The following WDR35 variants were observed in gnomAD, a reference collection of about 807,000 sequenced individuals.
The protein encoded by WDR35 is WD repeat domain 35, also known as WD repeat-containing protein 35.
WDR35 carries 118 observed loss-of-function variants against 158.3 expected under a neutral mutation model. That is an observed-to-expected ratio of 0.75 (90% confidence interval 0.64 to 0.87). The LOEUF (loss-of-function observed/expected upper bound fraction) is 0.87, where lower values mean the gene tolerates loss of function less well. Among genes scored for constraint, WDR35 ranks in the 40% least tolerant of loss-of-function variants. The pLI is 0.00. For synonymous variants in WDR35, 448 were observed against 476.1 expected, an observed-to-expected ratio of 0.94 and a Z score of 0.77; for missense variants, 1,263 against 1,405.8, an observed-to-expected ratio of 0.90 and a Z score of 1.62.
intron 12 of WDR35, 187 bp from the exon 13 acceptor site, chr2:19,951,671 T>C (rs1671239922): frequency 3.4e-5 from 17 of 500,594 alleles, no homozygotes; most frequent in Non-Finnish European, 1.1e-5. Flanking sequence ...AGGTGTTTAC[T>C]AGTTATATAA....
chr2:19,950,568 G>C (rs79905074), intron 13 of WDR35, among the ~76,000 whole-genome samples: 6 of 152,130 alleles, frequency 3.9e-5, no homozygotes, highest in Non-Finnish European at 8.8e-5. Flanking sequence ...GGTTGATGAT[G>C]AATCAATTTC....
chr2:19,962,819 C>T (rs1671705492), intron 10 of WDR35, among the ~76,000 whole-genome samples: 1 of 151,922 alleles, frequency 6.6e-6, no homozygotes, highest in Admixed American at 6.6e-5. Flanking sequence ...TTTACTCTTC[C>T]ACTACTTAAA....
At chr2:19,962,295 C>A in intron 10 of WDR35, 1 of 1,612,908 alleles carries the variant, frequency 6.2e-7, no homozygotes, top group South Asian at 1.1e-5. Flanking sequence ...CATTTGTTAC[C>A]GTTGCACCAA....
chr2:19,951,351 A>G, intron 13 of WDR35, 64 bp downstream of exon 13: 1 of 1,345,550 alleles, frequency 7.4e-7, no homozygotes, highest in South Asian at 1.3e-5. Flanking sequence ...AGGTTTCAAA[A>G]TAAAATTATA....
At chr2:19,973,145 A>G (rs1363156463) in intron 8 of WDR35, among the ~76,000 whole-genome samples, 1 of 152,132 alleles carries the variant, frequency 6.6e-6, no homozygotes, top group African/African-American at 2.4e-5. Context: ...AGTTTGAAGG[A>G]AGGACAGACA....
rs1329778911 is a variant in WDR35 at position 19,913,791 on chromosome 2, AAAG to A, written c.3363-86_3363-84del. ...TATTTAATACACTTAAAAAAAACCT[AAAG>A]AATAAAACTTCTGAGATGAACATCA... On this transcript the variant is annotated intron_variant, in intron 26 of 26. Transcript: ENST00000281405. The A allele has an allele frequency of 1.9e-6, 3 of 1,569,484 alleles. No individual in the cohort carries two copies. In the African/African-American group the frequency reaches 4.1e-5, roughly 21 times the overall value.
Position 19,978,895 on chromosome 2 carries a change from T to C in WDR35, c.308-16A>G. The C allele has an allele frequency of 3.1e-6, 5 of 1,613,134 alleles. No individual in the cohort carries two copies. The highest frequency in any genetic ancestry group is 4.2e-6 in the Non-Finnish European group (5 of 1,179,628). On this transcript the variant is annotated splice_polypyrimidine_tract_variant and intron_variant, in intron 4 of 26. Transcript: ENST00000281405. Reference sequence around the variant, plus strand: ...ATCCAAGAGCCTGTTTTCACAAATTTAAAAAATTACAAGTCAAAACTTTCA... The same window carrying C: ...ATCCAAGAGCCTGTTTTCACAAATTCAAAAAATTACAAGTCAAAACTTTCA...
Position 19,935,539 on chromosome 2 carries a change from T to A in WDR35, c.2479A>T (p.Met827Leu), listed in dbSNP as rs771898616. The change falls in exon 21 of 27, where the codon ATG becomes TTG. Residue 827 changes from methionine (M) to leucine (L), a missense_variant. Transcript: ENST00000281405. ...TCTAACCCTTCATAATCCTCTAACA[T>A]ATAGTAACATTCAGCTAAGCGTTCC... ...NQERLAECYY[M>L]LEDYEGLENL... 2.5e-6 allele frequency: 4 copies of A among 1,613,248 alleles called. No individual in the cohort carries two copies. The highest frequency in any genetic ancestry group is 3.4e-6 in the Non-Finnish European group (4 of 1,179,602).
At chr2:19,937,983 T>G (rs775985290) in intron 18 of WDR35, 37 bp from the exon 19 acceptor site, 23 of 1,606,112 alleles carry the variant, frequency 1.4e-5, no homozygotes, top group Non-Finnish European at 1.8e-5. Context: ...AAGTGCATAT[T>G]GCAAATTACT....
rs1311472096 is a variant in WDR35, at chr2:19,913,510, G to A, written c.*48C>T. On this transcript the variant is annotated 3_prime_UTR_variant, in exon 27 of 27. Coordinates refer to ENST00000281405, the MANE Select transcript of WDR35 (RefSeq NM_020779.4). ...TATTACATATACAGCATATAGCCAT[G>A]TATATATGCTACATATATTTTACAG... 4 of 1,588,820 alleles carry A rather than the reference G, an allele frequency of 2.5e-6. No homozygotes were observed. The highest frequency in any genetic ancestry group is 1.7e-5 in the Admixed American group (1 of 59,960).
intron 2 of WDR35, among the ~76,000 whole-genome samples, chr2:19,985,222 C>T (rs181820869): frequency 1.9e-4 from 28 of 151,348 alleles, no homozygotes; most frequent in African/African-American, 6.8e-4. Flanking sequence ...AGGGTGGAGG[C>T]CTTGGCAGTC....
At chr2:19,966,599 C>A (rs776832399) in intron 10 of WDR35, 125 bp downstream of exon 10, 2 of 1,129,698 alleles carry the variant, frequency 1.8e-6, no homozygotes, top group Non-Finnish European at 2.6e-6. Context: ...TGGTCTAGAC[C>A]AATAGTGCCA....
intron 16 of WDR35, among the ~76,000 whole-genome samples, chr2:19,944,048 A>G (rs1235692935): frequency 6.6e-6 from 1 of 152,018 alleles, no homozygotes; most frequent in Non-Finnish European, 1.5e-5. Flanking sequence ...ATAGTATGTA[A>G]AACAGATCTT....
At chr2:19,935,626 A>G in intron 20 of WDR35, 23 bp from the exon 21 acceptor site, 1 of 1,607,092 alleles carries the variant, frequency 6.2e-7, no homozygotes, top group African/African-American at 1.3e-5. Flanking sequence ...AAAAGGAAAA[A>G]CTTTTAAAAC....
intron 13 of WDR35, among the ~76,000 whole-genome samples, chr2:19,950,769 C>T (rs1456332679): frequency 2.0e-5 from 3 of 152,178 alleles, no homozygotes; most frequent in South Asian, 4.1e-4. Flanking sequence ...AAAAATTAAG[C>T]TTGCACCCTT....
rs1389897453 is a variant in WDR35, at chr2:19,913,574, T to C, written c.3497A>G (p.His1166Arg). ...ISHYSFCPLCHSPVG is the reference protein window; with the variant it reads ...ISHYSFCPLCRSPVG ...ATCATTCCTTTATCCCACTGGACTA[T>C]GGCATAAGGGGCAGAAGCTGTAGTG... Residue 1166 changes from histidine (H) to arginine (R), a missense_variant, in exon 27 of 27, where the codon CAT (histidine) becomes CGT (arginine). His to Arg is a conservative substitution (Grantham distance 29). Coordinates refer to ENST00000281405, the MANE Select transcript of WDR35 (RefSeq NM_020779.4). 4 of 1,614,104 alleles carry C rather than the reference T, an allele frequency of 2.5e-6. No individual in the cohort carries two copies. The highest frequency in any genetic ancestry group is 1.7e-5 in the Admixed American group (1 of 60,018).
At chr2:19,937,523 A>G (rs1572329596) in intron 19 of WDR35, among the ~76,000 whole-genome samples, 1 of 152,294 alleles carries the variant, frequency 6.6e-6, no homozygotes, top group East Asian at 1.9e-4. Context: ...TCCCAGAGTC[A>G]GCCATTATTA....
At position 19,975,476 on chromosome 2, in the gene WDR35, G is replaced by A. The variant is rs537611325; in HGVS notation, c.570+54C>T. 6.3e-5 allele frequency: 98 copies of A among 1,555,002 alleles called. No homozygotes were observed. The African/African-American group carries it at 1.3e-3, about 20-fold the overall frequency. On this transcript the variant is annotated intron_variant, in intron 6 of 26. Transcript: ENST00000281405. ...ATGTATATACAAACATGAATGATAT[G>A]TACGATAATCATATAAAATTGTATA...
At chr2:19,930,136 A>G (rs1185924062) in intron 25 of WDR35, among the ~76,000 whole-genome samples, 8 of 151,662 alleles carry the variant, frequency 5.3e-5, no homozygotes. Flanking sequence ...TGAAGTATTT[A>G]ACTTTGAATG....
Sources: allele counts gnomAD v4.1 joint callset (sites outside exome capture counted in the v4.1 genomes callset), GRCh38; gene constraint gnomAD v4.1.1; transcripts MANE v1.5; gene names NCBI Gene and HGNC (gene_info 2026-07-23, HGNC 2026-07-21).